Variants in DPY19L3 observed in about 807,000 individuals in gnomAD.
DPY19L3 encodes the protein protein C-mannosyl-transferase DPY19L3.
DPY19L3 carries 51 observed loss-of-function variants against 92.3 expected under a neutral mutation model. The ratio of observed to expected loss-of-function variants is 0.55; its 90% confidence interval spans 0.44 to 0.70. The LOEUF (loss-of-function observed/expected upper bound fraction) is 0.70. Among genes scored for constraint, DPY19L3 ranks in the 30% least tolerant of loss-of-function variants. The pLI, the probability that DPY19L3 is intolerant of heterozygous loss-of-function variation, is 0.00. For synonymous variants in DPY19L3, 309 were observed against 315.2 expected, an observed-to-expected ratio of 0.98 and a Z score of 0.21; for missense variants, 706 against 855.9, an observed-to-expected ratio of 0.82 and a Z score of 2.18.
rs1441380461 is a variant in DPY19L3 at position 32,405,841 on chromosome 19, C to G, written c.-106C>G. On this transcript the variant is annotated 5_prime_UTR_variant, in exon 1 of 19. Transcript: ENST00000392250. ...CGCGCTGCGGCCCGTGGCGCGGCCC[C>G]GTTCCCGCCTAGCCCCGTCGGCCTC... 6.6e-6 allele frequency: 1 copy of G among 152,176 alleles called. No homozygotes were observed. Among genetic ancestry groups the G allele is most frequent in the African/African-American group, 2.4e-5 (1 of 41,416 alleles). The allele number at this position is 152,176 out of a possible 1,614,324, so 9.4% of individuals were successfully genotyped here.
At chr19:32,436,152 A>G (rs965000187) in intron 4 of DPY19L3, among the ~76,000 whole-genome samples, 1 of 152,216 alleles carries the variant, frequency 6.6e-6, no homozygotes, top group Non-Finnish European at 1.5e-5. Context: ...GGGTGGAGAA[A>G]TGTGAAATCC....
rs577472968 is a variant in DPY19L3 at position 32,479,529 on chromosome 19, G to C, written c.1831-870G>C. On this transcript the variant is annotated intron_variant, in intron 17 of 18. Transcript: ENST00000392250. ...ACTGTAGGACAACACAGTTGTCACA[G>C]TAACAGCATCCTACCTCCCTACCAT... 5.6e-4 allele frequency: 213 copies of C among 382,712 alleles called. 1 individual carries two copies. Among genetic ancestry groups the C allele is most frequent in the Admixed American group, 1.3e-3 (42 of 32,390 alleles). The allele number at this position is 382,712 out of a possible 1,614,324, so 23.7% of individuals were successfully genotyped here.
chr19:32,449,049 A>G (rs1568344913), intron 8 of DPY19L3, among the ~76,000 whole-genome samples: 1 of 152,214 alleles, frequency 6.6e-6, no homozygotes, highest in Admixed American at 6.5e-5. Flanking sequence ...AGGCAACCAG[A>G]AAGATGTTTT....
In DPY19L3 at chr19:32,463,479, G is replaced by A; in HGVS notation, c.1436G>A (p.Ser479Asn). ...HTILFGFLAL[S>N]TMRMKYLWTS... is the part of the protein sequence containing the mutation. ...ATTCTGTTTGGATTCTTGGCATTGA[G>A]TACAATGAGGTATTTTTGTCTTACC... is the stretch of plus-strand genomic sequence containing the variant. The change falls in exon 13 of 19, where the codon AGT (serine) becomes AAT (asparagine). Residue 479 changes from serine (S) to asparagine (N), a missense_variant. Ser to Asn is a conservative substitution (Grantham distance 46). Coordinates refer to ENST00000392250, the MANE Select transcript of DPY19L3 (RefSeq NM_001172774.2). The A allele has an allele frequency of 1.2e-6, 2 of 1,612,120 alleles. No homozygotes were observed. Among genetic ancestry groups the A allele is most frequent in the Non-Finnish European group, 1.7e-6 (2 of 1,179,024 alleles).
chr19:32,411,423 A>G, intron 3 of DPY19L3, 51 bp downstream of exon 3: 1 of 1,602,620 alleles, frequency 6.2e-7, no homozygotes, highest in Non-Finnish European at 8.5e-7. Flanking sequence ...GATCTCCAGT[A>G]GTAAGCCATG....
chr19:32,437,080 G>C (rs1568337002), intron 5 of DPY19L3, 114 bp from the exon 6 acceptor site: 2 of 1,287,576 alleles, frequency 1.6e-6, no homozygotes, highest in South Asian at 1.4e-5. Context: ...TGGGCTTGCT[G>C]CTTGGAATTA....
intron 3 of DPY19L3, among the ~76,000 whole-genome samples, chr19:32,414,503 A>C (rs1968311990): frequency 6.6e-6 from 1 of 151,734 alleles, no homozygotes; most frequent in African/African-American, 2.4e-5. Flanking sequence ...CTGAGGCAGG[A>C]GAATTGCTTG....
At chr19:32,418,209 G>A (rs936416661) in intron 3 of DPY19L3, among the ~76,000 whole-genome samples, 10 of 152,172 alleles carry the variant, frequency 6.6e-5, no homozygotes, top group Admixed American at 2.6e-4. Flanking sequence ...GCTCAGAGTC[G>A]TATCCATTTT....
At chr19:32,423,427 T>TTTTTTTTTTTTG (rs1297462068) in intron 3 of DPY19L3, among the ~76,000 whole-genome samples, 1 of 137,590 alleles carries the variant, frequency 7.3e-6, no homozygotes. Flanking sequence ...TTTTGGTATT[T>TTTTTTTTTTTTG]TTAGTAGAGA....
intron 8 of DPY19L3, among the ~76,000 whole-genome samples, chr19:32,451,826 C>T (rs1969709570): frequency 6.6e-6 from 1 of 152,006 alleles, no homozygotes; most frequent in Non-Finnish European, 1.5e-5. Flanking sequence ...GCATTTCCTC[C>T]CCACCCACGC....
chr19:32,479,283 C>T (rs1224148472), intron 17 of DPY19L3, among the ~76,000 whole-genome samples: 1 of 151,942 alleles, frequency 6.6e-6, no homozygotes, highest in African/African-American at 2.4e-5. Flanking sequence ...AGGAAAGGGG[C>T]TCCCTGGCTT....
intron 17 of DPY19L3, chr19:32,479,684 A>C (rs1235380375): frequency 2.7e-6 from 1 of 375,346 alleles, no homozygotes; most frequent in Non-Finnish European, 5.2e-6. Context: ...CACCTCACAC[A>C]GCCTGTTTCC....
chr19:32,458,222 A>T, intron 11 of DPY19L3, 49 bp downstream of exon 11: 1 of 1,592,886 alleles, frequency 6.3e-7, no homozygotes, highest in East Asian at 2.2e-5. Context: ...TTGAATCAGC[A>T]GGGACTTTAA....
chr19:32,474,524 TACAC>T (rs1343888213), intron 16 of DPY19L3, among the ~76,000 whole-genome samples: 24 of 152,250 alleles, frequency 1.6e-4, no homozygotes, highest in Non-Finnish European at 3.2e-4. Context: ...AAATACGTGA[TACAC>T]TAGGCTCACT....
rs545174900 is a variant in DPY19L3, at chr19:32,483,177, A to G, written c.*937A>G. On this transcript the variant is annotated 3_prime_UTR_variant, in exon 19 of 19. Coordinates refer to ENST00000392250, the MANE Select transcript of DPY19L3 (RefSeq NM_001172774.2). ...AGTCTGAATATTTTTTAAATGTTCT[A>G]TCTTAACTAGTTCACTAATACAGTA... 1 of 152,306 alleles carries G rather than the reference A, an allele frequency of 6.6e-6. No homozygotes were observed. Among genetic ancestry groups the G allele is most frequent in the South Asian group, 2.1e-4 (1 of 4,828 alleles). The allele number at this position is 152,306 out of a possible 1,614,324, so 9.4% of individuals were successfully genotyped here.
chr19:32,412,276 A>C (rs984815768), intron 3 of DPY19L3: 24 of 152,110 alleles, frequency 1.6e-4, no homozygotes, highest in Non-Finnish European at 8.8e-5. Flanking sequence ...AAATTAGTGC[A>C]GTAGGTCATG....
chr19:32,429,021 G>A (rs1296880583), intron 3 of DPY19L3, among the ~76,000 whole-genome samples: 1 of 151,764 alleles, frequency 6.6e-6, no homozygotes, highest in Admixed American at 6.6e-5. Flanking sequence ...CTAATTTTTT[G>A]TATTTTTAGT....
At position 32,453,227 on chromosome 19, in the gene DPY19L3, C is replaced by T; in HGVS notation, c.938C>T (p.Ser313Leu). The T allele has an allele frequency of 6.2e-7, 1 of 1,613,930 alleles. No individual in the cohort carries two copies. Among genetic ancestry groups the T allele is most frequent in the Non-Finnish European group, 8.5e-7 (1 of 1,179,918 alleles). The change falls in exon 9 of 19, where the codon TCA (serine) becomes TTA (leucine). Residue 313 changes from serine to leucine, a missense_variant. Transcript: ENST00000392250. ...LQFFNSMILG[S>L]LLISFNLSVF... ...TTTTTTAATTCCATGATTCTTGGAT[C>T]ACTGCTTATCAGTTTTAACCTTTCA...
intron 10 of DPY19L3, among the ~76,000 whole-genome samples, chr19:32,457,808 C>T (rs1324340792): frequency 6.6e-6 from 1 of 152,192 alleles, no homozygotes; most frequent in African/African-American, 2.4e-5. Flanking sequence ...CCTTCTCCCT[C>T]TCCCTGAAAC....
Sources: allele counts gnomAD v4.1 joint callset (sites outside exome capture counted in the v4.1 genomes callset), GRCh38; gene constraint gnomAD v4.1.1; transcripts MANE v1.5; gene names NCBI Gene and HGNC (gene_info 2026-07-23, HGNC 2026-07-21).